ARHGAP44: variants seen among roughly 807,000 people sequenced by gnomAD.
ARHGAP44 encodes Rho GTPase activating protein 44.
Under a neutral mutation model 106.8 loss-of-function variants are expected in ARHGAP44, and 43 were observed. The observed-to-expected ratio is 0.40, with a 90% CI of 0.32 to 0.52. ARHGAP44 has a LOEUF of 0.52. Among genes scored for constraint, ARHGAP44 ranks in the 20% least tolerant of loss-of-function variants. The pLI, the probability that ARHGAP44 is intolerant of heterozygous loss-of-function variation, is 0.48. For missense variants in ARHGAP44, 866 were observed against 1,050.5 expected (o/e 0.82, Z 2.43); for synonymous variants, 439 against 410.3 (o/e 1.07, Z -0.85).
chr17:12,817,018 C>G (rs1433777068), intron 1 of ARHGAP44, among the ~76,000 whole-genome samples: 7 of 152,100 alleles, frequency 4.6e-5, no homozygotes, highest in Non-Finnish European at 8.8e-5. Context: ...ATATCCTCAT[C>G]CATAAAGTAA....
At chr17:12,870,156 C>T (rs767388241) in intron 1 of ARHGAP44, among the ~76,000 whole-genome samples, 46 of 148,846 alleles carry the variant, frequency 3.1e-4, no homozygotes, top group South Asian at 8.7e-4. Flanking sequence ...TCCAGAGATC[C>T]TCCCACCTCA....
At chr17:12,886,820 A>G (rs1468430556) in intron 1 of ARHGAP44, among the ~76,000 whole-genome samples, 1 of 152,086 alleles carries the variant, frequency 6.6e-6, no homozygotes, top group East Asian at 1.9e-4. Flanking sequence ...TTCCAGGACC[A>G]TGATGAATGA....
rs146782066 is a variant in ARHGAP44, at chr17:12,798,260, A to G, written c.53+8369A>G. The stretch of plus-strand genomic sequence containing the variant: ...TAAAATATCATGGCAATATGTGGGC[A>G]TTCATGTCTTATTAACCTCAATTAA... On this transcript the variant is annotated intron_variant, in intron 1 of 20. Transcript: ENST00000379672. Among the ~76,000 whole-genome samples the G allele has an allele frequency of 4.6e-5, 7 of 152,316 alleles. No individual in the cohort carries two copies. The East Asian group carries it at 1.3e-3, about 29-fold the overall frequency.
chr17:12,934,107 A>G (rs915133572), intron 7 of ARHGAP44, among the ~76,000 whole-genome samples: 6 of 152,152 alleles, frequency 3.9e-5, no homozygotes, highest in Non-Finnish European at 8.8e-5. Context: ...TCAGCCTCCC[A>G]AAGTGCTGGG....
intron 3 of ARHGAP44, among the ~76,000 whole-genome samples, chr17:12,900,913 CTTTTTTTTTTT>C (rs3074723): frequency 9.7e-6 from 1 of 103,614 alleles, no homozygotes; most frequent in African/African-American, 3.5e-5. Context: ...GAAAGTTTGG[CTTTTTTTTTTT>C]TTTTTTTTTT....
chr17:12,817,089 T>G (rs2034619866), intron 1 of ARHGAP44, among the ~76,000 whole-genome samples: 1 of 151,930 alleles, frequency 6.6e-6, no homozygotes, highest in South Asian at 2.1e-4. Context: ...CATAATGGAG[T>G]TCAACTAGAA....
chr17:12,866,676 C>T (rs1196795880), intron 1 of ARHGAP44, among the ~76,000 whole-genome samples: 3 of 152,136 alleles, frequency 2.0e-5, no homozygotes, highest in Admixed American at 6.5e-5. Context: ...TTATTGGAAC[C>T]TGGGCTTGTA....
intron 20 of ARHGAP44, among the ~76,000 whole-genome samples, chr17:12,989,509 A>G (rs918073726): frequency 6.6e-6 from 1 of 152,168 alleles, no homozygotes; most frequent in Non-Finnish European, 1.5e-5. Flanking sequence ...ACCAATGACA[A>G]CCAGGGTCCT....
intron 7 of ARHGAP44, among the ~76,000 whole-genome samples, chr17:12,931,089 T>C (rs545348078): frequency 3.3e-5 from 5 of 152,344 alleles, no homozygotes; most frequent in African/African-American, 1.2e-4. Flanking sequence ...TGTTTTGTTT[T>C]GAGACAGAGT....
intron 6 of ARHGAP44, among the ~76,000 whole-genome samples, chr17:12,928,451 C>G (rs563594638): frequency 1.3e-5 from 2 of 152,274 alleles, no homozygotes; most frequent in Admixed American, 1.3e-4. Context: ...TGTCTCACCA[C>G]AGAAAATCAT....
chr17:12,926,987 G>T (rs1483858587), intron 6 of ARHGAP44, among the ~76,000 whole-genome samples: 1 of 152,044 alleles, frequency 6.6e-6, no homozygotes, highest in Non-Finnish European at 1.5e-5. Flanking sequence ...TATTTGAAAT[G>T]ATTCAACTGG....
At chr17:12,845,281 G>T (rs2150837073) in intron 1 of ARHGAP44, among the ~76,000 whole-genome samples, 1 of 152,110 alleles carries the variant, frequency 6.6e-6, no homozygotes, top group East Asian at 1.9e-4. Flanking sequence ...AGGCTGAGGT[G>T]GGTGGATCAC....
intron 1 of ARHGAP44, among the ~76,000 whole-genome samples, chr17:12,828,303 C>T (rs977216015): frequency 3.3e-5 from 5 of 151,966 alleles, no homozygotes; most frequent in East Asian, 1.9e-4. Context: ...TACAGTTTTC[C>T]TGTTAACCAC....
chr17:12,799,677 C>G (rs906910365), intron 1 of ARHGAP44, among the ~76,000 whole-genome samples: 1 of 152,170 alleles, frequency 6.6e-6, no homozygotes, highest in African/African-American at 2.4e-5. Flanking sequence ...TCTGCCCCGC[C>G]CTACCCTCCG....
intron 7 of ARHGAP44, among the ~76,000 whole-genome samples, chr17:12,939,054 G>C (rs542822143): frequency 6.6e-6 from 1 of 152,200 alleles, no homozygotes; most frequent in Admixed American, 6.5e-5. Context: ...GACTTGAAAT[G>C]TCCTCCTCCA....
At chr17:12,930,654 A>G (rs1010797032) in intron 7 of ARHGAP44, among the ~76,000 whole-genome samples, 1 of 152,188 alleles carries the variant, frequency 6.6e-6, no homozygotes, top group Non-Finnish European at 1.5e-5. Flanking sequence ...AGGATGCTGG[A>G]TGTGAATATC....
chr17:12,905,608 A>C (rs150307178), intron 3 of ARHGAP44, among the ~76,000 whole-genome samples: 11 of 152,264 alleles, frequency 7.2e-5, no homozygotes, highest in Non-Finnish European at 1.5e-4. Flanking sequence ...TGACAGGATA[A>C]TCTGACTAGT....
At position 12,853,714 on chromosome 17, in the gene ARHGAP44, G is replaced by T. The variant is rs374710369; in HGVS notation, c.54-41226G>T. 2.0e-5 allele frequency among the ~76,000 whole-genome samples: 3 copies of T among 152,252 alleles called. No individual in the cohort carries two copies. The East Asian group carries it at 5.8e-4, about 29-fold the overall frequency. On this transcript the variant is annotated intron_variant, in intron 1 of 20. Transcript: ENST00000379672. ...CTTCAAGACATGACAGAGTTAACTC[G>T]CATTTTCTCTGTTATCAGGGCGGCT...
At chr17:12,952,019 TC>T (rs1172481675) in intron 12 of ARHGAP44, among the ~76,000 whole-genome samples, 1 of 152,096 alleles carries the variant, frequency 6.6e-6, no homozygotes, top group East Asian at 1.9e-4. Flanking sequence ...AGATGGGACA[TC>T]CGGGGGCCAC....
Sources: gnomAD v4.1 joint callset for allele counts (sites outside exome capture counted in the v4.1 genomes callset) on GRCh38, gnomAD v4.1.1 for gene constraint, MANE v1.5 for transcripts, NCBI Gene and HGNC (gene_info 2026-07-23, HGNC 2026-07-21) for gene names.